The following RAI1 variants were observed in gnomAD, a reference collection of about 807,000 sequenced individuals.
RAI1 encodes the protein retinoic acid-induced protein 1.
A neutral mutation model predicts 123.8 loss-of-function variants in RAI1; 9 were observed. The ratio of observed to expected loss-of-function variants is 0.07; its 90% CI spans 0.04 to 0.13. The LOEUF is 0.13. Ranked by LOEUF, RAI1 falls within the 10% of genes least tolerant of loss-of-function variation. The probability of loss-of-function intolerance (pLI) is 1.00; values close to 1 mark genes in which losing one functional copy is unlikely to be tolerated. For synonymous variants in RAI1, 1,231 were observed against 1,127.3 expected (o/e 1.09, Z -1.84); for missense variants, 2,256 against 2,545.8 (o/e 0.89, Z 2.45).
intron 1 of RAI1, chr17:17,684,702 A>ATG (rs1231892105): frequency 1.1e-3 from 119 of 105,652 alleles, no homozygotes; most frequent in African/African-American, 2.1e-3. Context: ...ATATATATAT[A>ATG]TATATGTATG....
intron 2 of RAI1, among the ~76,000 whole-genome samples, chr17:17,764,712 C>T (rs995967600): frequency 5.3e-5 from 8 of 152,102 alleles, no homozygotes; most frequent in Non-Finnish European, 1.0e-4. Context: ...TATCTGCTTA[C>T]CTCGGCCTCC....
chr17:17,785,862 T>C (rs80185063), intron 2 of RAI1, among the ~76,000 whole-genome samples: 4,152 of 152,316 alleles, frequency 0.027, 188 homozygotes, highest in African/African-American at 0.094. Context: ...AGATCCCCTT[T>C]GCATCGGTTC....
Position 17,810,212 on chromosome 17 carries a change from G to A in RAI1, c.*231G>A, listed in dbSNP as rs1172066576. 6 of 617,108 alleles carry A rather than the reference G, an allele frequency of 9.7e-6. No individual in the cohort carries two copies. Among genetic ancestry groups the A allele is most frequent in the Admixed American group, 3.2e-5 (1 of 30,894 alleles). The allele number at this position is 617,108 out of a possible 1,614,324, so 38.2% of individuals were successfully genotyped here. A position where few individuals can be genotyped will look rare whatever the true frequency, so the allele number is the denominator to read the frequency against. On this transcript the variant is annotated 3_prime_UTR_variant, in exon 6 of 6. Transcript: ENST00000353383. The surrounding 1 kb of genome is among the most constrained non-coding windows in gnomAD (Gnocchi z 4.6). ...GAGCCGCCTGCTCCCGGAACCGGAC[G>A]GCACAGGGCGTTCTTGCCCACCCCA...
chr17:17,802,426 C>T (rs1361832439), intron 3 of RAI1, among the ~76,000 whole-genome samples: 2 of 152,206 alleles, frequency 1.3e-5, no homozygotes. Flanking sequence ...GAATGGGAGC[C>T]TCAGTTTCAC....
chr17:17,789,383 C>A (rs1473476245), intron 2 of RAI1, among the ~76,000 whole-genome samples: 1 of 152,262 alleles, frequency 6.6e-6, no homozygotes, highest in Non-Finnish European at 1.5e-5. Context: ...GCTCCCGCCT[C>A]AGCAGTCCTA....
At chr17:17,773,539 A>C (rs1598069334) in intron 2 of RAI1, among the ~76,000 whole-genome samples, 2 of 152,180 alleles carry the variant, frequency 1.3e-5, no homozygotes, top group South Asian at 4.1e-4. Flanking sequence ...CTAGGCCTTA[A>C]TGGCACATCT....
chr17:17,741,737 A>G (rs1916643609), intron 2 of RAI1, among the ~76,000 whole-genome samples: 1 of 152,242 alleles, frequency 6.6e-6, no homozygotes, highest in African/African-American at 2.4e-5. Flanking sequence ...AGGTGGTTCT[A>G]AAAAGGCTTA....
At chr17:17,719,737 G>T (rs1433938063) in intron 1 of RAI1, among the ~76,000 whole-genome samples, 3 of 152,168 alleles carry the variant, frequency 2.0e-5, no homozygotes, top group African/African-American at 7.2e-5. Flanking sequence ...CAGTAAATAT[G>T]TACCAAGCCA....
At chr17:17,808,273 A>G (rs1210056993) in intron 4 of RAI1, among the ~76,000 whole-genome samples, 1 of 152,092 alleles carries the variant, frequency 6.6e-6, no homozygotes, top group African/African-American at 2.4e-5. Flanking sequence ...GGTGGGCATA[A>G]GCACTGGCCA....
intron 2 of RAI1, among the ~76,000 whole-genome samples, chr17:17,729,880 A>G (rs1916213831): frequency 6.6e-6 from 1 of 152,174 alleles, no homozygotes; most frequent in South Asian, 2.1e-4. Flanking sequence ...GACCCACCTG[A>G]GGCTATGTTA....
At position 17,714,210 on chromosome 17, in the gene RAI1, CCA is replaced by C. The variant is rs537265033; in HGVS notation, c.-148-9817_-148-9816del. On this transcript the variant is annotated intron_variant, in intron 1 of 5. Transcript: ENST00000353383. The surrounding 1 kb of genome is among the most constrained non-coding windows in gnomAD (Gnocchi z 4.9). The stretch of plus-strand genomic sequence containing the variant: ...GCTTCCTCAGCTCCCTCTCTGAACC[CCA>C]GTTTCTGGGTCTGCAGAAGGGGGCT... Among the ~76,000 whole-genome samples the C allele has an allele frequency of 3.9e-5, 6 of 152,264 alleles. No homozygotes were observed. The highest frequency in any genetic ancestry group is 1.2e-4 in the African/African-American group (5 of 41,542).
chr17:17,749,433 G>T (rs999925655), intron 2 of RAI1, among the ~76,000 whole-genome samples: 2 of 152,232 alleles, frequency 1.3e-5, no homozygotes, highest in African/African-American at 4.8e-5. Flanking sequence ...GTAACATCAA[G>T]GAATGAATGA....
rs1207208099 is a variant in RAI1 at position 17,809,127 on chromosome 17, G to A, written c.5660-263G>A. 1.8e-6 allele frequency: 1 copy of A among 559,000 alleles called. No homozygotes were observed. The highest frequency in any genetic ancestry group is 3.1e-5 in the East Asian group (1 of 31,796). 34.6% of individuals were successfully genotyped at this position (559,000 alleles called of 1,614,324 possible). The stretch of plus-strand genomic sequence containing the variant: ...TGAGGGACTGCCTCAAGTGAGGAGG[G>A]GCGGCACGTGGAACTCAGGGGGAAA... On this transcript the variant is annotated intron_variant, in intron 4 of 5. Coordinates refer to ENST00000353383, the MANE Select transcript of RAI1 (RefSeq NM_030665.4). The surrounding 1 kb of genome is among the most constrained non-coding windows in gnomAD (Gnocchi z 4.9).
At chr17:17,752,211 C>A (rs767831268) in intron 2 of RAI1, among the ~76,000 whole-genome samples, 1 of 152,176 alleles carries the variant, frequency 6.6e-6, no homozygotes, top group Non-Finnish European at 1.5e-5. Flanking sequence ...CGGGGCGGCG[C>A]GCGGGCGCAG....
intron 2 of RAI1, among the ~76,000 whole-genome samples, chr17:17,753,817 A>G (rs2030315123): frequency 6.6e-6 from 1 of 152,234 alleles, no homozygotes; most frequent in African/African-American, 2.4e-5. Context: ...TAGAAAGTCT[A>G]CCGTTCTCTG....
intron 1 of RAI1, among the ~76,000 whole-genome samples, chr17:17,692,274 G>C (rs547548709): frequency 1.3e-5 from 2 of 152,186 alleles, no homozygotes; most frequent in South Asian, 4.1e-4. Context: ...TTGGGAAGGT[G>C]GGGGGTTCCT....
intron 2 of RAI1, among the ~76,000 whole-genome samples, chr17:17,745,624 C>T (rs1209560250): frequency 2.0e-5 from 3 of 152,148 alleles, no homozygotes; most frequent in Admixed American, 2.0e-4. Context: ...TCTCAAACTC[C>T]TGACCTCAGG....
intron 2 of RAI1, among the ~76,000 whole-genome samples, chr17:17,747,916 T>G (rs1405026072): frequency 1.3e-5 from 2 of 152,222 alleles, no homozygotes; most frequent in East Asian, 3.9e-4. Context: ...ATTTAAAAAA[T>G]TAGCTGAGCA....
Position 17,688,211 on chromosome 17 carries a change from G to A in RAI1, c.-149+6418G>A, listed in dbSNP as rs118036996. ...TTAAAATGAGGATAATAGGCAGGGC[G>A]CGGTGGCTTACGTCTATAATCCCAG... On this transcript the variant is annotated intron_variant, in intron 1 of 5. Coordinates refer to ENST00000353383, the MANE Select transcript of RAI1 (RefSeq NM_030665.4). Among the ~76,000 whole-genome samples the A allele has an allele frequency of 2.1e-3, 325 of 151,916 alleles. 9 individuals are homozygous for A. In the East Asian group the frequency reaches 0.056, roughly 26 times the overall value.
Sources: gnomAD v4.1 joint callset for allele counts (sites outside exome capture counted in the v4.1 genomes callset) on GRCh38, gnomAD v4.1.1 for gene constraint, Gnocchi (gnomAD v3.1) non-coding constraint, MANE v1.5 for transcripts, NCBI Gene and HGNC (gene_info 2026-07-23, HGNC 2026-07-21) for gene names.